LAMA2: variants seen among roughly 807,000 people sequenced by gnomAD.
LAMA2 encodes laminin subunit alpha 2, also known as laminin subunit alpha-2.
LAMA2 carries 269 observed loss-of-function variants against 364.8 expected under a neutral mutation model. The observed-to-expected ratio is 0.74, with a 90% CI of 0.67 to 0.82. LAMA2 has a LOEUF of 0.82. Ranked by LOEUF, LAMA2 falls within the 40% of genes least tolerant of loss-of-function variation. The pLI is 0.00. For synonymous variants in LAMA2, 1,379 were observed against 1,370.6 expected (o/e 1.01, Z -0.14); for missense variants, 3,807 against 3,873.2 (o/e 0.98, Z 0.45).
intron 2 of LAMA2, among the ~76,000 whole-genome samples, chr6:129,052,456 G>T (rs1788141843): frequency 6.6e-6 from 1 of 151,836 alleles, no homozygotes; most frequent in Non-Finnish European, 1.5e-5. Flanking sequence ...CCTTTTCTCT[G>T]TCTTTTTAAA....
rs1363298410 is a variant in LAMA2 at position 129,460,085 on chromosome 6, T to G, written c.6868-115T>G. On this transcript the variant is annotated intron_variant, in intron 48 of 64. Transcript: ENST00000421865. ...ATGAATATGTACATATGCCAAAATATCAGAAAGAATGGATAATGATAACTT... is the reference window on the plus strand; with the variant it reads ...ATGAATATGTACATATGCCAAAATAGCAGAAAGAATGGATAATGATAACTT... 6.0e-6 allele frequency: 6 copies of G among 1,003,486 alleles called. No individual in the cohort carries two copies. In the Admixed American group the frequency reaches 1.0e-4, roughly 17 times the overall value. The allele number at this position is 1,003,486 out of a possible 1,614,324, so 62.2% of individuals were successfully genotyped here. A position where few individuals can be genotyped will look rare whatever the true frequency, so the allele number is the denominator to read the frequency against.
intron 7 of LAMA2, among the ~76,000 whole-genome samples, chr6:129,149,696 A>G (rs1432353259): frequency 6.6e-6 from 1 of 152,190 alleles, no homozygotes; most frequent in Non-Finnish European, 1.5e-5. Flanking sequence ...TCGGCCTTCC[A>G]TATCCATGGT....
At chr6:129,237,233 C>CCAT (rs1376584608) in intron 12 of LAMA2, among the ~76,000 whole-genome samples, 3 of 152,120 alleles carry the variant, frequency 2.0e-5, no homozygotes, top group African/African-American at 7.2e-5. Context: ...GTTGTCATTT[C>CCAT]CATCATCATT....
chr6:129,486,800 C>T lies in LAMA2; in HGVS notation c.7898+178C>T, dbSNP rs9402136. Among the ~76,000 whole-genome samples, 96,033 of 152,006 alleles carry T rather than the reference C, an allele frequency of 0.63. 31,341 individuals carry two copies. The highest frequency in any genetic ancestry group is 0.72 in the Non-Finnish European group (48,936 of 67,982). Reference sequence around the variant, plus strand: ...TTCATACTTCGGGAACCTCATTTGCCTCAGCCCTTAGGAGTTCTACCCTTA... The same window carrying T: ...TTCATACTTCGGGAACCTCATTTGCTTCAGCCCTTAGGAGTTCTACCCTTA... On this transcript the variant is annotated intron_variant, in intron 56 of 64. Transcript: ENST00000421865.
intron 3 of LAMA2, among the ~76,000 whole-genome samples, chr6:129,097,935 C>T (rs1413914430): frequency 2.6e-5 from 4 of 152,154 alleles, no homozygotes; most frequent in Non-Finnish European, 5.9e-5. Context: ...TGAGTTGTTA[C>T]TAAAATCCAG....
At chr6:129,497,217 C>T (rs1326007451) in intron 58 of LAMA2, among the ~76,000 whole-genome samples, 1 of 151,998 alleles carries the variant, frequency 6.6e-6, no homozygotes, top group Non-Finnish European at 1.5e-5. Context: ...TTTCACTTCT[C>T]ACCATTTTCC....
intron 3 of LAMA2, among the ~76,000 whole-genome samples, chr6:129,091,337 A>C (rs962871893): frequency 2.0e-5 from 3 of 152,160 alleles, no homozygotes; most frequent in African/African-American, 7.2e-5. Flanking sequence ...ATCCAGTTAG[A>C]TTATTATTAT....
At chr6:129,367,864 A>T (rs1053041862) in intron 33 of LAMA2, among the ~76,000 whole-genome samples, 3 of 152,232 alleles carry the variant, frequency 2.0e-5, no homozygotes, top group Non-Finnish European at 4.4e-5. Context: ...CCCCAAATTT[A>T]TATGTTGAAA....
intron 40 of LAMA2, among the ~76,000 whole-genome samples, chr6:129,410,368 G>A (rs1780469967): frequency 6.6e-6 from 1 of 151,296 alleles, no homozygotes; most frequent in South Asian, 2.1e-4. Context: ...CATGGCAAAT[G>A]GAGTTCTCCT....
At chr6:129,333,617 T>G (rs1044719621) in intron 29 of LAMA2, among the ~76,000 whole-genome samples, 1 of 152,198 alleles carries the variant, frequency 6.6e-6, no homozygotes, top group Non-Finnish European at 1.5e-5. Context: ...ATTCCAGAAA[T>G]AATTACTATC....
chr6:129,504,688 G>C (rs990855658), intron 60 of LAMA2, among the ~76,000 whole-genome samples: 2 of 152,166 alleles, frequency 1.3e-5, no homozygotes, highest in African/African-American at 4.8e-5. Context: ...GTACTCATCA[G>C]GTTCTGCAGA....
chr6:129,496,204 C>T (rs10080659), intron 58 of LAMA2, among the ~76,000 whole-genome samples: 49,489 of 151,918 alleles, frequency 0.33, 8,729 homozygotes, highest in African/African-American at 0.47. Context: ...TTCACTCTTG[C>T]TACCCAGGCT....
At chr6:129,237,158 G>T (rs1317136896) in intron 12 of LAMA2, among the ~76,000 whole-genome samples, 1 of 152,126 alleles carries the variant, frequency 6.6e-6, no homozygotes, top group Non-Finnish European at 1.5e-5. Context: ...AGAATGTAAT[G>T]AATGAACATA....
In LAMA2 at chr6:129,145,159, G is replaced by T. The variant is rs1778360426; in HGVS notation, c.819+1079G>T. 2.0e-5 allele frequency among the ~76,000 whole-genome samples: 3 copies of T among 151,924 alleles called. No individual in the cohort carries two copies. The South Asian group carries it at 6.2e-4, about 32-fold the overall frequency. The stretch of plus-strand genomic sequence containing the variant: ...TTTAATTCTAGAATGATCCCACTAA[G>T]GTAAGACCACCGTCATCGGTTGCAA... On this transcript the variant is annotated intron_variant, in intron 5 of 64. Transcript: ENST00000421865.
chr6:129,439,877 T>G (rs1301233511), intron 42 of LAMA2, among the ~76,000 whole-genome samples: 7 of 144,618 alleles, frequency 4.8e-5, no homozygotes, highest in African/African-American at 1.8e-4. Flanking sequence ...ATAGATAACA[T>G]AAGTATAGAT....
chr6:129,397,490 G>T (rs1488756663), intron 37 of LAMA2, among the ~76,000 whole-genome samples: 1 of 151,906 alleles, frequency 6.6e-6, no homozygotes, highest in Non-Finnish European at 1.5e-5. Context: ...TCTAGCAAAG[G>T]CAAAACAGAT....
intron 2 of LAMA2, among the ~76,000 whole-genome samples, chr6:129,054,554 C>T (rs1300821608): frequency 6.6e-6 from 1 of 151,454 alleles, no homozygotes; most frequent in Non-Finnish European, 1.5e-5. Context: ...ACTGTGCAGA[C>T]AGGGAGAATT....
intron 1 of LAMA2, among the ~76,000 whole-genome samples, chr6:128,993,443 T>C (rs1783730984): frequency 6.6e-6 from 1 of 152,164 alleles, no homozygotes; most frequent in Non-Finnish European, 1.5e-5. Flanking sequence ...TTTAGACATA[T>C]TATATTGAGA....
chr6:129,313,128 A>T, intron 23 of LAMA2, 31 bp downstream of exon 23: 1 of 1,360,448 alleles, frequency 7.4e-7, no homozygotes, highest in Non-Finnish European at 1.0e-6. Flanking sequence ...GCTAGGGAAA[A>T]CCTCCCTCAA....
Sources: gnomAD v4.1 joint callset for allele counts (sites outside exome capture counted in the v4.1 genomes callset) on GRCh38, gnomAD v4.1.1 for gene constraint, MANE v1.5 for transcripts, NCBI Gene and HGNC (gene_info 2026-07-23, HGNC 2026-07-21) for gene names.